OTUD7B: variants seen among roughly 807,000 people sequenced by gnomAD.
OTUD7B encodes OTU deubiquitinase 7B, also known as OTU domain-containing protein 7B.
OTUD7B carries 34 observed loss-of-function variants against 82.2 expected under a neutral mutation model. The ratio of observed to expected loss-of-function variants is 0.41; its 90% CI spans 0.31 to 0.55. OTUD7B has a LOEUF of 0.55. Ranked by LOEUF, OTUD7B falls within the 20% of genes least tolerant of loss-of-function variation. The pLI is 0.20. For synonymous variants in OTUD7B, 398 were observed against 402.7 expected, an observed-to-expected ratio of 0.99 and a Z score of 0.14; for missense variants, 944 against 1,062.1, an observed-to-expected ratio of 0.89 and a Z score of 1.55.
intron 6 of OTUD7B, 105 bp downstream of exon 6, chr1:149,964,117 A>G: frequency 7.6e-7 from 1 of 1,321,088 alleles, no homozygotes; most frequent in East Asian, 2.3e-5. Flanking sequence ...AAGGGGAGTC[A>G]CACTGACCTA....
the OTUD7B span, among the ~76,000 whole-genome samples, chr1:150,042,161 T>G: frequency 9.6e-6 from 1 of 103,884 alleles, no homozygotes; most frequent in African/African-American, 3.8e-5. Context: ...CTCCCTTCCT[T>G]CCTTCCTTCC....
At position 149,943,782 on chromosome 1, in the gene OTUD7B, G is replaced by A. The variant is rs1464068405; in HGVS notation, c.*75C>T. ...TACTGCATTTTCCCCCTCAACATGG[G>A]GACTGTGTTCTTGATGAGCCAATTA... On this transcript the variant is annotated 3_prime_UTR_variant, in exon 12 of 12. Transcript: ENST00000581312. The A allele has an allele frequency of 7.1e-7, 1 of 1,417,944 alleles. No individual in the cohort carries two copies. Among genetic ancestry groups the A allele is most frequent in the Non-Finnish European group, 9.8e-7 (1 of 1,018,912 alleles). 87.8% of individuals were successfully genotyped at this position (1,417,944 alleles called of 1,614,324 possible). A position where few individuals can be genotyped will look rare whatever the true frequency, so the allele number is the denominator to read the frequency against.
In OTUD7B at chr1:149,965,865, C is replaced by A. The variant is rs782784051; in HGVS notation, c.516G>T (p.Trp172Cys). ...VALEQAGRLN[W>C]WVSVDPTSQR... ...GAGAGGTGGGATCCACACTCACCCA[C>A]CAGTTCAAACGCCCTGTAGAAACAA... Residue 172 changes from tryptophan to cysteine, a missense_variant, in exon 5 of 12, where the codon TGG (tryptophan) becomes TGT (cysteine). This residue lies in a region of OTUD7B where 530 missense variants were observed against 625.6 expected (regional missense o/e 0.85). Coordinates refer to ENST00000581312, the MANE Select transcript of OTUD7B (RefSeq NM_020205.4). 1 of 1,613,880 alleles carries A rather than the reference C, an allele frequency of 6.2e-7. No homozygotes were observed. The highest frequency in any genetic ancestry group is 8.5e-7 in the Non-Finnish European group (1 of 1,179,754).
At chr1:149,975,745 T>C (rs2101853098) in intron 2 of OTUD7B, among the ~76,000 whole-genome samples, 1 of 151,902 alleles carries the variant, frequency 6.6e-6, no homozygotes, top group South Asian at 2.1e-4. Flanking sequence ...AAATGCAAAT[T>C]AGGCTGGGCA....
upstream of OTUD7B, among the ~76,000 whole-genome samples, chr1:150,012,135 A>G (rs587663097): frequency 7.9e-5 from 12 of 152,300 alleles, no homozygotes; most frequent in South Asian, 2.1e-3. Context: ...AGGGACCACA[A>G]ATTTTAGCTA....
chr1:150,022,385 G>A, the OTUD7B span, among the ~76,000 whole-genome samples: 9 of 90,418 alleles, frequency 1.0e-4, no homozygotes, highest in Admixed American at 3.7e-4. Flanking sequence ...GTGACAGAGC[G>A]AAACTCTCTA....
At chr1:150,031,935 A>T in the OTUD7B span, among the ~76,000 whole-genome samples, 1 of 152,324 alleles carries the variant, frequency 6.6e-6, no homozygotes, top group African/African-American at 2.4e-5. Flanking sequence ...CAGAGAAGAG[A>T]TATAACTATA....
chr1:149,943,591 A>C lies in OTUD7B; in HGVS notation c.*266T>G, dbSNP rs1647421556. Reference sequence around the variant, plus strand: ...GATGGGACCCAGGAGGTTATAAGACAGAATCGCCATCTTTTCCCCTTGTAC... The same window carrying C: ...GATGGGACCCAGGAGGTTATAAGACCGAATCGCCATCTTTTCCCCTTGTAC... On this transcript the variant is annotated 3_prime_UTR_variant, in exon 12 of 12. Coordinates refer to ENST00000581312, the MANE Select transcript of OTUD7B (RefSeq NM_020205.4). 4.5e-6 allele frequency: 2 copies of C among 448,340 alleles called. No individual in the cohort carries two copies. The highest frequency in any genetic ancestry group is 4.0e-5 in the African/African-American group (2 of 50,578). 27.8% of individuals were successfully genotyped at this position (448,340 alleles called of 1,614,324 possible). A position where few individuals can be genotyped will look rare whatever the true frequency, so the allele number is the denominator to read the frequency against.
intron 1 of OTUD7B, among the ~76,000 whole-genome samples, chr1:149,994,886 A>C (rs973749778): frequency 2.0e-5 from 3 of 152,192 alleles, no homozygotes; most frequent in South Asian, 2.1e-4. Flanking sequence ...CACAGAAAAA[A>C]TTTCCCTGTA....
intron 6 of OTUD7B, chr1:149,962,910 C>T (rs1649255453): frequency 6.6e-6 from 1 of 152,282 alleles, no homozygotes; most frequent in Non-Finnish European, 1.5e-5. Context: ...CGAGATCCAG[C>T]CAAGCTTTTG....
At chr1:150,014,084 G>GTATGTA (rs1653197815), upstream of OTUD7B, among the ~76,000 whole-genome samples, 1 of 30,388 alleles carries the variant, frequency 3.3e-5, no homozygotes, top group Non-Finnish European at 7.8e-5. Context: ...GTGTGTGTGT[G>GTATGTA]TATATATATA....
intron 1 of OTUD7B, among the ~76,000 whole-genome samples, chr1:149,992,340 A>G (rs1204746253): frequency 1.3e-5 from 2 of 152,202 alleles, no homozygotes; most frequent in African/African-American, 2.4e-5. Flanking sequence ...ACTATTTTGT[A>G]GCAAGAGGGT....
chr1:150,029,155 T>C, the OTUD7B span, among the ~76,000 whole-genome samples: 2 of 152,216 alleles, frequency 1.3e-5, no homozygotes, highest in Non-Finnish European at 1.5e-5. Context: ...AATTCAGTTT[T>C]GTTTCCAAAT....
chr1:150,065,636 A>C, the OTUD7B span, among the ~76,000 whole-genome samples: 3,270 of 152,246 alleles, frequency 0.021, 97 homozygotes, highest in African/African-American at 0.074. Context: ...AAAACAAGTA[A>C]CTGGGTTTAT....
Position 149,979,013 on chromosome 1 carries a change from A to AT in OTUD7B, c.-66-1438dup, listed in dbSNP as rs71083888. 6.5e-3 allele frequency among the ~76,000 whole-genome samples: 964 copies of AT among 147,868 alleles called. 3 individuals carry two copies. The highest frequency in any genetic ancestry group is 0.011 in the African/African-American group (455 of 40,494). On this transcript the variant is annotated intron_variant, in intron 1 of 11. Transcript: ENST00000581312. Reference sequence around the variant, plus strand: ...CAGGTCACTAACTTGCTAACACTGGATTTTTTTTTTTTTGAGACAGAGAAA... The same window carrying AT: ...CAGGTCACTAACTTGCTAACACTGGATTTTTTTTTTTTTTGAGACAGAGAAA...
chr1:149,984,904 C>G (rs1297314419), intron 1 of OTUD7B, among the ~76,000 whole-genome samples: 3 of 152,308 alleles, frequency 2.0e-5, no homozygotes, highest in African/African-American at 2.4e-5. Flanking sequence ...AAACCTTCCA[C>G]AGGCTACAGC....
the OTUD7B span, chr1:150,054,100 G>C: frequency 2.8e-5 from 11 of 393,782 alleles, no homozygotes; most frequent in East Asian, 6.5e-4. Flanking sequence ...TGAAATCCAA[G>C]GTTGAAAAGC....
chr1:150,030,392 C>T, the OTUD7B span, among the ~76,000 whole-genome samples: 2 of 152,110 alleles, frequency 1.3e-5, no homozygotes, highest in African/African-American at 4.8e-5. Flanking sequence ...AATGCCCCTT[C>T]GAAATGCCCC....
chr1:149,966,124 G>A (rs782168052), intron 4 of OTUD7B, among the ~76,000 whole-genome samples: 1 of 152,230 alleles, frequency 6.6e-6, no homozygotes, highest in African/African-American at 2.4e-5. Flanking sequence ...CTGAAGATAT[G>A]TTTGCATGTC....
Sources: gnomAD v4.1 joint callset for allele counts (sites outside exome capture counted in the v4.1 genomes callset) on GRCh38, gnomAD v4.1.1 for gene constraint, gnomAD v4.1.1 regional missense constraint, MANE v1.5 for transcripts, NCBI Gene and HGNC (gene_info 2026-07-23, HGNC 2026-07-21) for gene names.